The following ASF1B variants were observed in gnomAD, a reference collection of about 807,000 sequenced individuals.
The protein encoded by ASF1B is histone chaperone ASF1B.
A neutral mutation model predicts 16.6 loss-of-function variants in ASF1B; 10 were observed. The observed-to-expected ratio is 0.60, with a 90% confidence interval of 0.37 to 1.02. The LOEUF (loss-of-function observed/expected upper bound fraction) is 1.02. Among genes scored for constraint, ASF1B ranks in the 50% least tolerant of loss-of-function variants. The pLI is 0.01. For missense variants in ASF1B, 240 were observed against 266.0 expected (o/e 0.90, Z 0.68); for synonymous variants, 101 against 106.2 (o/e 0.95, Z 0.30).
intron 1 of ASF1B, among the ~76,000 whole-genome samples, chr19:14,133,566 G>A (rs1967439192): frequency 6.6e-6 from 1 of 151,676 alleles, no homozygotes; most frequent in Non-Finnish European, 1.5e-5. Flanking sequence ...TGCTCGGGAG[G>A]CTGAGGCAGG....
At chr19:14,125,492 G>A (rs1048471346) in intron 2 of ASF1B, among the ~76,000 whole-genome samples, 6 of 151,208 alleles carry the variant, frequency 4.0e-5, no homozygotes, top group Non-Finnish European at 5.9e-5. Context: ...AGGGCCTGAC[G>A]GCCTCTGAGA....
chr19:14,131,723 A>T (rs1024266466), intron 1 of ASF1B, among the ~76,000 whole-genome samples: 2 of 151,904 alleles, frequency 1.3e-5, no homozygotes, highest in African/African-American at 4.8e-5. Context: ...ACCTCAGGTA[A>T]TCTGCCCGCC....
chr19:14,136,299 G>A (rs1185288348), intron 1 of ASF1B, 49 bp downstream of exon 1: 50 of 1,548,948 alleles, frequency 3.2e-5, no homozygotes, highest in Non-Finnish European at 4.3e-5. Context: ...TCTGAGGGGA[G>A]GCCGGGGTCG....
At chr19:14,135,557 G>A (rs1471867925) in intron 1 of ASF1B, among the ~76,000 whole-genome samples, 2 of 152,174 alleles carry the variant, frequency 1.3e-5, no homozygotes, top group African/African-American at 4.8e-5. Context: ...TGGGCGTGGG[G>A]TTATTGAAAT....
chr19:14,121,423 T>C (rs1373976980), intron 3 of ASF1B, 109 bp downstream of exon 3: 1 of 1,238,746 alleles, frequency 8.1e-7, no homozygotes. Flanking sequence ...GAACTGAATA[T>C]TACTTGAAAA....
intron 1 of ASF1B, among the ~76,000 whole-genome samples, chr19:14,135,328 C>T (rs1465980885): frequency 6.6e-6 from 1 of 151,980 alleles, no homozygotes; most frequent in Non-Finnish European, 1.5e-5. Context: ...GGAGAACTAG[C>T]TAATGCCTGC....
intron 1 of ASF1B, among the ~76,000 whole-genome samples, chr19:14,130,970 C>T (rs554464392): frequency 6.8e-4 from 104 of 152,010 alleles, no homozygotes; most frequent in South Asian, 3.5e-3. Flanking sequence ...TTCCATCTCC[C>T]GGGTTCAAGC....
At chr19:14,128,716 T>C (rs1031425543) in intron 1 of ASF1B, among the ~76,000 whole-genome samples, 1 of 152,228 alleles carries the variant, frequency 6.6e-6, no homozygotes, top group Non-Finnish European at 1.5e-5. Flanking sequence ...CGCCTTGGCC[T>C]CCCAAAGTGC....
At chr19:14,120,720 A>C (rs887975418) in intron 3 of ASF1B, 55 bp from the exon 4 acceptor site, 1 of 1,562,940 alleles carries the variant, frequency 6.4e-7, no homozygotes, top group East Asian at 2.3e-5. Context: ...CCTTGGTCCC[A>C]TAGAGCCAGG....
chr19:14,124,307 C>T (rs780703783), intron 2 of ASF1B, among the ~76,000 whole-genome samples: 1 of 152,126 alleles, frequency 6.6e-6, no homozygotes, highest in Non-Finnish European at 1.5e-5. Flanking sequence ...GTGCAAGCCA[C>T]CACACCCGGC....
At chr19:14,121,755 C>T (rs1238272384) in intron 2 of ASF1B, 47 bp from the exon 3 acceptor site, 11 of 1,517,304 alleles carry the variant, frequency 7.2e-6, no homozygotes, top group East Asian at 6.9e-5. Context: ...AGCCATGCCT[C>T]GATGTCATTA....
At chr19:14,120,837 T>C (rs967689041) in intron 3 of ASF1B, among the ~76,000 whole-genome samples, 172 bp from the exon 4 acceptor site, 9 of 152,146 alleles carry the variant, frequency 5.9e-5, no homozygotes, top group African/African-American at 2.2e-4. Flanking sequence ...ATTTATTTTT[T>C]GAGACGGAGT....
chr19:14,134,755 C>T (rs1304859390), intron 1 of ASF1B, among the ~76,000 whole-genome samples: 2 of 152,046 alleles, frequency 1.3e-5, no homozygotes, highest in Non-Finnish European at 2.9e-5. Flanking sequence ...TTAATAAGTA[C>T]ATCTACGGAA....
intron 2 of ASF1B, among the ~76,000 whole-genome samples, chr19:14,125,346 C>T (rs1269938944): frequency 6.6e-6 from 1 of 151,582 alleles, no homozygotes; most frequent in Non-Finnish European, 1.5e-5. Flanking sequence ...AGAATCTAAC[C>T]CTGTATTTCC....
chr19:14,134,920 T>G (rs1967462889), intron 1 of ASF1B, among the ~76,000 whole-genome samples: 2 of 143,374 alleles, frequency 1.4e-5, no homozygotes, highest in South Asian at 4.3e-4. Context: ...TATCCAGCTA[T>G]ATTAAAAAAA....
chr19:14,131,944 T>G (rs1013352967), intron 1 of ASF1B, among the ~76,000 whole-genome samples: 1 of 152,042 alleles, frequency 6.6e-6, no homozygotes, highest in Non-Finnish European at 1.5e-5. Flanking sequence ...TATTTCCAGA[T>G]GTGGAAGATA....
chr19:14,121,754 T>C, intron 2 of ASF1B, 46 bp from the exon 3 acceptor site: 1 of 1,520,380 alleles, frequency 6.6e-7, no homozygotes, highest in Non-Finnish European at 9.0e-7. Context: ...CAGCCATGCC[T>C]CGATGTCATT....
At chr19:14,128,081 C>T (rs1967345096) in intron 1 of ASF1B, among the ~76,000 whole-genome samples, 1 of 152,178 alleles carries the variant, frequency 6.6e-6, no homozygotes, top group South Asian at 2.1e-4. Context: ...GCAGGAGGTC[C>T]AAGTGTATCA....
intron 2 of ASF1B, among the ~76,000 whole-genome samples, chr19:14,122,424 G>A (rs1206414264): frequency 1.3e-5 from 2 of 151,754 alleles, no homozygotes; most frequent in Non-Finnish European, 2.9e-5. Context: ...GGAGTGCAAT[G>A]GCGCCATCAT....
Sources: allele counts gnomAD v4.1 joint callset (sites outside exome capture counted in the v4.1 genomes callset), GRCh38; gene constraint gnomAD v4.1.1; transcripts MANE v1.5; gene names NCBI Gene and HGNC (gene_info 2026-07-23, HGNC 2026-07-21).